HIVEP3: variants seen among roughly 807,000 people sequenced by gnomAD.
HIVEP3 encodes the protein HIVEP zinc finger 3, also known as transcription factor HIVEP3.
Under a neutral mutation model 152.8 loss-of-function variants are expected in HIVEP3, and 49 were observed. That is an observed-to-expected ratio of 0.32 (90% CI 0.26 to 0.41). The LOEUF (loss-of-function observed/expected upper bound fraction) is 0.41, where lower values mean the gene tolerates loss of function less well. HIVEP3 is among the 10% of genes least tolerant of loss of function. HIVEP3 has a pLI of 1.00. For missense variants in HIVEP3, 2,790 were observed against 3,103.3 expected, an observed-to-expected ratio of 0.90 and a Z score of 2.40; for synonymous variants, 1,269 against 1,289.0, an observed-to-expected ratio of 0.98 and a Z score of 0.33.
chr1:41,919,844 G>A (rs1316571258), upstream of HIVEP3, among the ~76,000 whole-genome samples: 1 of 152,190 alleles, frequency 6.6e-6, no homozygotes, highest in East Asian at 1.9e-4. Flanking sequence ...CCTTGCTCAC[G>A]TGTGTTAAGA....
chr1:41,775,216 C>T (rs931161282), intron 1 of HIVEP3, among the ~76,000 whole-genome samples: 3 of 152,176 alleles, frequency 2.0e-5, no homozygotes, highest in Admixed American at 6.5e-5. Context: ...TCCATCCATT[C>T]GTCCATCATA....
At chr1:41,663,907 CCTT>C (rs535749187) in intron 2 of HIVEP3, among the ~76,000 whole-genome samples, 8 of 152,194 alleles carry the variant, frequency 5.3e-5, no homozygotes, top group Non-Finnish European at 1.0e-4. Flanking sequence ...GGGTCATCCT[CCTT>C]CTGACAAAGC....
intron 6 of HIVEP3, among the ~76,000 whole-genome samples, chr1:41,522,609 C>T (rs116573575): frequency 0.022 from 3,326 of 152,300 alleles, 44 homozygotes; most frequent in South Asian, 0.053. Flanking sequence ...CCTCTGGACC[C>T]TCCAAAGCCC....
intron 7 of HIVEP3, 133 bp downstream of exon 7, chr1:41,518,269 G>T: frequency 1.3e-6 from 1 of 775,120 alleles, no homozygotes; most frequent in East Asian, 2.5e-5. Flanking sequence ...GAAGCTATTG[G>T]AGGGAGAGAG....
chr1:41,797,712 G>A (rs918363842), intron 1 of HIVEP3, among the ~76,000 whole-genome samples: 5 of 152,184 alleles, frequency 3.3e-5, no homozygotes, highest in African/African-American at 1.2e-4. Context: ...AATTAGGTCA[G>A]GCACGGTGGC....
intron 1 of HIVEP3, among the ~76,000 whole-genome samples, chr1:41,735,891 A>G (rs1296780162): frequency 6.6e-6 from 1 of 152,144 alleles, no homozygotes; most frequent in Non-Finnish European, 1.5e-5. Flanking sequence ...AGAAGGAAGC[A>G]AGCAGGAGGG....
rs1461062275 is a variant in HIVEP3 at position 41,583,857 on chromosome 1, G to C, written c.941C>G (p.Ser314Cys). ...TTCGTGGCTGGAACTGTGGCTCCCA[G>C]AGCTGTATAGCCCGCTGGAGAGAAG... is the stretch of plus-strand genomic sequence containing the variant. ...QPLLSSGLYS[S>C]GSHSSSHERC... Residue 314 changes from serine to cysteine, a missense_variant, in exon 4 of 9, where the codon TCT becomes TGT. Ser to Cys is a moderately radical substitution (Grantham distance 112). Around this residue, in one of 9 missense-constraint regions of HIVEP3, gnomAD observed 125 missense variants for 130.1 expected, o/e 0.96. Coordinates refer to ENST00000372583, the MANE Select transcript of HIVEP3 (RefSeq NM_024503.5). This position sits in a 1 kb window ranked among gnomAD's most constrained non-coding sequence, Gnocchi z 6.9. The C allele has an allele frequency of 1.2e-6, 2 of 1,612,550 alleles. No homozygotes were observed. Among genetic ancestry groups the C allele is most frequent in the Admixed American group, 3.3e-5 (2 of 59,952 alleles).
intron 5 of HIVEP3, among the ~76,000 whole-genome samples, chr1:41,544,702 C>T (rs1256654683): frequency 1.4e-5 from 2 of 146,538 alleles, no homozygotes; most frequent in African/African-American, 5.1e-5. Context: ...GCTACCATCA[C>T]CACCACCACT....
At chr1:41,796,757 A>G (rs985938710) in intron 1 of HIVEP3, among the ~76,000 whole-genome samples, 3 of 152,214 alleles carry the variant, frequency 2.0e-5, no homozygotes, top group Non-Finnish European at 4.4e-5. Context: ...AAACAATTAG[A>G]TTTTTTAAAA....
At chr1:41,645,255 C>G (rs552683907) in intron 2 of HIVEP3, among the ~76,000 whole-genome samples, 56 of 152,296 alleles carry the variant, frequency 3.7e-4, no homozygotes, top group Non-Finnish European at 6.6e-4. Context: ...GGCTGCAGGG[C>G]TCCTTCTCTG....
intron 1 of HIVEP3, among the ~76,000 whole-genome samples, chr1:41,774,328 G>T (rs549777298): frequency 2.0e-5 from 3 of 152,200 alleles, no homozygotes; most frequent in Non-Finnish European, 4.4e-5. Context: ...AACATAGTGG[G>T]TTGTTTTTTC....
chr1:41,573,074 C>T (rs1644274141), intron 5 of HIVEP3, among the ~76,000 whole-genome samples: 1 of 152,134 alleles, frequency 6.6e-6, no homozygotes, highest in African/African-American at 2.4e-5. Flanking sequence ...TGGCCTGGAT[C>T]TAAGGAACAG....
At chr1:41,635,476 C>CTA (rs371690921) in intron 2 of HIVEP3, among the ~76,000 whole-genome samples, 1,319 of 131,586 alleles carry the variant, frequency 0.01, 80 homozygotes, top group African/African-American at 0.034. Context: ...GCAACCACAA[C>CTA]TATATATATA....
intron 1 of HIVEP3, among the ~76,000 whole-genome samples, chr1:41,836,581 G>T (rs1057065606): frequency 6.6e-6 from 1 of 152,244 alleles, no homozygotes; most frequent in East Asian, 1.9e-4. Context: ...CTAAGAAGCA[G>T]ATCAATGAAA....
intron 1 of HIVEP3, among the ~76,000 whole-genome samples, chr1:41,937,545 G>A (rs1645025822): frequency 1.3e-5 from 2 of 152,162 alleles, no homozygotes; most frequent in Non-Finnish European, 2.9e-5. Flanking sequence ...TGTGATGTAA[G>A]TACAAAAGGC....
intron 1 of HIVEP3, among the ~76,000 whole-genome samples, chr1:41,716,619 T>A (rs555341958): frequency 6.6e-6 from 1 of 152,284 alleles, no homozygotes; most frequent in Non-Finnish European, 1.5e-5. Flanking sequence ...GACAGCATGC[T>A]TCAAACAAAG....
chr1:41,551,231 T>C (rs1355310979), intron 5 of HIVEP3, among the ~76,000 whole-genome samples: 2 of 152,228 alleles, frequency 1.3e-5, no homozygotes, highest in East Asian at 3.8e-4. Flanking sequence ...GAAGCCACGT[T>C]GATCGTGGTG....
At position 41,702,945 on chromosome 1, in the gene HIVEP3, G is replaced by A. The variant is rs72669090; in HGVS notation, c.-800-1950C>T. The stretch of plus-strand genomic sequence containing the variant: ...GCTAGGACCATTCATTCATTCATTC[G>A]TTTATTCATCACACTGACACCCAAT... On this transcript the variant is annotated intron_variant, in intron 1 of 8. Transcript: ENST00000372583. Among the ~76,000 whole-genome samples, 118 of 150,330 alleles carry A rather than the reference G, an allele frequency of 7.8e-4. 1 individual carries two copies. Among genetic ancestry groups the A allele is most frequent in the African/African-American group, 2.4e-3 (94 of 39,668 alleles).
intron 5 of HIVEP3, among the ~76,000 whole-genome samples, chr1:41,572,408 C>T (rs1328453922): frequency 7.8e-6 from 1 of 128,892 alleles, no homozygotes; most frequent in Non-Finnish European, 1.6e-5. Flanking sequence ...TTCCTCTCCA[C>T]TTGTCTGGGT....
Sources: gnomAD v4.1 joint callset for allele counts (sites outside exome capture counted in the v4.1 genomes callset) on GRCh38, gnomAD v4.1.1 for gene constraint, gnomAD v4.1.1 regional missense constraint, Gnocchi (gnomAD v3.1) non-coding constraint, MANE v1.5 for transcripts, NCBI Gene and HGNC (gene_info 2026-07-23, HGNC 2026-07-21) for gene names.